Variants in HSD3B1 observed in about 807,000 individuals in gnomAD.
The protein encoded by HSD3B1 is 3 beta-hydroxysteroid dehydrogenase/Delta 5-->4-isomerase type 1.
A neutral mutation model predicts 10.4 loss-of-function variants in HSD3B1; 11 were observed. That is an observed-to-expected ratio of 1.05 (90% CI 0.66 to 1.75). The LOEUF (loss-of-function observed/expected upper bound fraction) is 1.75. HSD3B1 is among the 40% of genes most tolerant of loss of function. HSD3B1 has a pLI of 0.00. For synonymous variants in HSD3B1, 217 were observed against 185.4 expected (o/e 1.17, Z -1.39); for missense variants, 490 against 454.5 (o/e 1.08, Z -0.71).
At position 119,507,419 on chromosome 1, in the gene HSD3B1, A is replaced by G; in HGVS notation, c.-58A>G. 1 of 1,594,232 alleles carries G rather than the reference A, an allele frequency of 6.3e-7. No homozygotes were observed. The highest frequency in any genetic ancestry group is 8.6e-7 in the Non-Finnish European group (1 of 1,163,790). ...CTCTCCAGGGTCACCCTAGAATCAG[A>G]TCTGCTCCCCAGCATCTTCTGTTTC... On this transcript the variant is annotated 5_prime_UTR_variant, in exon 2 of 4. Transcript: ENST00000369413.
At chr1:119,509,010 A>T (rs587654796) in intron 2 of HSD3B1, among the ~76,000 whole-genome samples, 1 of 152,244 alleles carries the variant, frequency 6.6e-6, no homozygotes, top group African/African-American at 2.4e-5. Context: ...AAAAATGCAG[A>T]TCATATAATA....
At chr1:119,510,280 G>A (rs1373257803) in intron 2 of HSD3B1, among the ~76,000 whole-genome samples, 1 of 152,182 alleles carries the variant, frequency 6.6e-6, no homozygotes, top group Non-Finnish European at 1.5e-5. Flanking sequence ...TAGTTCATTG[G>A]TGGTTAACTC....
In HSD3B1 at chr1:119,507,241, G is replaced by A. The variant is rs1348918522; in HGVS notation, c.-107G>A. The A allele has an allele frequency of 2.0e-5, 10 of 501,750 alleles. No individual in the cohort carries two copies. Among genetic ancestry groups the A allele is most frequent in the Non-Finnish European group, 3.6e-5 (10 of 276,326 alleles). 31.1% of individuals were successfully genotyped at this position (501,750 alleles called of 1,614,324 possible). ...AGAAGTACGTCCACTCTTCTGTCCA[G>A]CTTTTAACAATCTAACTAATGGTTA... On this transcript the variant is annotated 5_prime_UTR_variant, in exon 1 of 4. Transcript: ENST00000369413.
At chr1:119,513,765 G>T in intron 3 of HSD3B1, 69 bp from the exon 4 acceptor site, 1 of 1,450,344 alleles carries the variant, frequency 6.9e-7, no homozygotes, top group Non-Finnish European at 9.6e-7. Flanking sequence ...GGGGCACATA[G>T]ATCTGTGTTC....
intron 2 of HSD3B1, among the ~76,000 whole-genome samples, chr1:119,509,740 C>T (rs587655913): frequency 6.6e-6 from 1 of 152,146 alleles, no homozygotes; most frequent in Non-Finnish European, 1.5e-5. Flanking sequence ...AGCAAGTGGT[C>T]CTGCTTGTAC....
chr1:119,512,299 C>T (rs59727458), intron 3 of HSD3B1, among the ~76,000 whole-genome samples: 5,707 of 152,306 alleles, frequency 0.037, 356 homozygotes, highest in African/African-American at 0.13. Flanking sequence ...ACAGGGCCTA[C>T]TATTCCAGAG....
rs1489211258 is a variant in HSD3B1 at position 119,514,585 on chromosome 1, G to A, written c.1062G>A (p.Val354=). Residue 354 remains valine, a synonymous_variant, in exon 4 of 4, where the codon GTG becomes GTA. Coordinates refer to ENST00000369413, the MANE Select transcript of HSD3B1 (RefSeq NM_000862.3). ...GGGAGGAAGCCAAGCAGAAAACGGTGGAGTGGGTTGGTTCCCTTGTGGACC... is the reference window on the plus strand; with the variant it reads ...GGGAGGAAGCCAAGCAGAAAACGGTAGAGTGGGTTGGTTCCCTTGTGGACC... The part of the protein sequence containing the change: ...YSWEEAKQKT[V]EWVGSLVDRH... 2 of 1,613,926 alleles carry A rather than the reference G, an allele frequency of 1.2e-6. No homozygotes were observed. Among genetic ancestry groups the A allele is most frequent in the Non-Finnish European group, 1.7e-6 (2 of 1,179,982 alleles).
rs541042731 is a variant in HSD3B1 at position 119,511,575 on chromosome 1, G to T, written c.218G>T (p.Cys73Phe). The T allele has an allele frequency of 6.2e-7, 1 of 1,613,666 alleles. No individual in the cohort carries two copies. Among genetic ancestry groups the T allele is most frequent in the South Asian group, 1.1e-5 (1 of 91,056 alleles). Residue 73 changes from cysteine (C) to phenylalanine (F), a missense_variant, in exon 3 of 4, where the codon TGC becomes TTC. Physicochemically the swap from Cys to Phe is radical, Grantham distance 205. Coordinates refer to ENST00000369413, the MANE Select transcript of HSD3B1 (RefSeq NM_000862.3). Reference sequence around the variant, plus strand: ...GATGAGCCATTCCTGAAGAGAGCCTGCCAGGACGTCTCGGTCATCATCCAC... The same window carrying T: ...GATGAGCCATTCCTGAAGAGAGCCTTCCAGGACGTCTCGGTCATCATCCAC... Reference protein sequence around the residue: ...ILDEPFLKRACQDVSVIIHTA... With the variant: ...ILDEPFLKRAFQDVSVIIHTA...
In HSD3B1 at chr1:119,514,499, G is replaced by T. The variant is rs141918352; in HGVS notation, c.976G>T (p.Val326Leu). The part of the protein sequence containing the change: ...NRHIVTLSNS[V>L]FTFSYKKAQR... ...CCACATAGTCACATTGTCAAATAGCGTATTCACCTTCTCTTATAAGAAGGC... is the reference window on the plus strand; with the variant it reads ...CCACATAGTCACATTGTCAAATAGCTTATTCACCTTCTCTTATAAGAAGGC... The change falls in exon 4 of 4, where the codon GTA becomes TTA. Residue 326 changes from valine to leucine, a missense_variant. Transcript: ENST00000369413. 4 of 1,613,998 alleles carry T rather than the reference G, an allele frequency of 2.5e-6. No individual in the cohort carries two copies. Among genetic ancestry groups the T allele is most frequent in the East Asian group, 4.5e-5 (2 of 44,862 alleles).
chr1:119,509,264 T>G (rs1653873452), intron 2 of HSD3B1, among the ~76,000 whole-genome samples: 1 of 152,220 alleles, frequency 6.6e-6, no homozygotes, highest in Non-Finnish European at 1.5e-5. Flanking sequence ...TAGTGCAGCA[T>G]CTGTGCTCTT....
Position 119,511,524 on chromosome 1 carries a change from T to G in HSD3B1, c.167T>G (p.Leu56Arg). The stretch of plus-strand genomic sequence containing the variant: ...ACAGAACTCCAGAACAAGACCAAGC[T>G]GACAGTGCTGGAAGGAGACATTCTG... ...EFSKLQNKTK[L>R]TVLEGDILDE... is the part of the protein sequence containing the mutation. Residue 56 changes from leucine to arginine, a missense_variant, in exon 3 of 4, where the codon CTG becomes CGG. By Grantham distance (102) the Leu-to-Arg change is moderately radical. Transcript: ENST00000369413. 6.2e-7 allele frequency: 1 copy of G among 1,613,768 alleles called. No homozygotes were observed. Among genetic ancestry groups the G allele is most frequent in the Non-Finnish European group, 8.5e-7 (1 of 1,179,776 alleles).
chr1:119,513,802 C>A (rs367952142), intron 3 of HSD3B1, 32 bp from the exon 4 acceptor site: 42 of 1,606,102 alleles, frequency 2.6e-5, no homozygotes, highest in Non-Finnish European at 3.6e-5. Flanking sequence ...AGGGATATAT[C>A]CTGACAGTGA....
At chr1:119,513,790 T>A (rs746662039) in intron 3 of HSD3B1, 44 bp from the exon 4 acceptor site, 2 of 1,593,740 alleles carry the variant, frequency 1.3e-6, no homozygotes, top group African/African-American at 2.7e-5. Context: ...TTGGCACCTC[T>A]TAGGGATATA....
rs6202 is a variant in HSD3B1, at chr1:119,511,627, T to A, written c.270T>A (p.Gly90=). 38,146 of 1,610,984 alleles carry A rather than the reference T, an allele frequency of 0.024. 4,119 individuals are homozygous for A. The African/African-American group carries it at 0.31, about 13-fold the overall frequency. The part of the protein sequence containing the change: ...IHTACIIDVF[G]VTHRESIMNV... ...CCGCCTGTATCATTGATGTCTTCGG[T>A]GTCACTCACAGAGAGTCTATCATGA... The change falls in exon 3 of 4, where the codon GGT becomes GGA. Residue 90 remains glycine (G), a synonymous_variant. Coordinates refer to ENST00000369413, the MANE Select transcript of HSD3B1 (RefSeq NM_000862.3).
At chr1:119,508,865 C>G (rs1349527805) in intron 2 of HSD3B1, among the ~76,000 whole-genome samples, 1 of 152,216 alleles carries the variant, frequency 6.6e-6, no homozygotes, top group African/African-American at 2.4e-5. Flanking sequence ...CTTCCACCCT[C>G]TGTTTTAATG....
At position 119,514,820 on chromosome 1, in the gene HSD3B1, G is replaced by T; in HGVS notation, c.*175G>T. The T allele has an allele frequency of 1.4e-6, 1 of 705,572 alleles. No individual in the cohort carries two copies. Among genetic ancestry groups the T allele is most frequent in the South Asian group, 1.8e-5 (1 of 55,954 alleles). 43.7% of individuals were successfully genotyped at this position (705,572 alleles called of 1,614,324 possible). On this transcript the variant is annotated 3_prime_UTR_variant, in exon 4 of 4. Coordinates refer to ENST00000369413, the MANE Select transcript of HSD3B1 (RefSeq NM_000862.3). ...GTCATCAAAACCTGCGCAGTCATTG[G>T]CCCAACAAGAAGGTTTCTGTCCTAA...
chr1:119,512,253 T>C (rs1436386064), intron 3 of HSD3B1, among the ~76,000 whole-genome samples: 1 of 152,212 alleles, frequency 6.6e-6, no homozygotes, highest in Non-Finnish European at 1.5e-5. Context: ...CAGTGAGATT[T>C]TTCCAGTATC....
intron 3 of HSD3B1, 65 bp downstream of exon 3, chr1:119,511,732 A>G: frequency 6.7e-7 from 1 of 1,492,148 alleles, no homozygotes; most frequent in Non-Finnish European, 9.3e-7. Context: ...AAGGGCAGGA[A>G]GGGAAGAGAA....
intron 2 of HSD3B1, among the ~76,000 whole-genome samples, chr1:119,509,401 A>G (rs1039391088): frequency 6.6e-6 from 1 of 152,210 alleles, no homozygotes; most frequent in African/African-American, 2.4e-5. Context: ...GAAGGGAGCC[A>G]TGACTTCATC....
Sources: allele counts gnomAD v4.1 joint callset (sites outside exome capture counted in the v4.1 genomes callset), GRCh38; gene constraint gnomAD v4.1.1; transcripts MANE v1.5; gene names NCBI Gene and HGNC (gene_info 2026-07-23, HGNC 2026-07-21).